The following DIABLO variants were observed in gnomAD, a reference collection of about 807,000 sequenced individuals.
DIABLO encodes diablo IAP-binding mitochondrial protein, also known as diablo homolog, mitochondrial.
Under a neutral mutation model 31.7 loss-of-function variants are expected in DIABLO, and 32 were observed. The ratio of observed to expected loss-of-function variants is 1.01; its 90% CI spans 0.76 to 1.35. DIABLO has a LOEUF of 1.35. Among genes scored for constraint, DIABLO ranks in the 40% most tolerant of loss-of-function variants. DIABLO has a pLI of 0.00. For synonymous variants in DIABLO, 132 were observed against 103.2 expected, an observed-to-expected ratio of 1.28 and a Z score of -1.69; for missense variants, 316 against 286.4, an observed-to-expected ratio of 1.10 and a Z score of -0.75.
intron 2 of DIABLO, among the ~76,000 whole-genome samples, chr12:122,223,925 TGAGTAGTTGCCACTAGAA>T (rs1235631445): frequency 6.6e-6 from 1 of 152,174 alleles, no homozygotes; most frequent in African/African-American, 2.4e-5. Flanking sequence ...CTCAGCCTCC[TGAGTAGTTGCCACTAGAA>T]GTGTGAGCCA....
At chr12:122,225,376 G>A (rs1328011064) in intron 1 of DIABLO, 1 of 989,504 alleles carries the variant, frequency 1.0e-6, no homozygotes, top group Non-Finnish European at 1.2e-6. Context: ...GACAGAGGCA[G>A]ATCTTGTCTC....
At chr12:122,224,256 C>CT (rs1566029176) in intron 2 of DIABLO, among the ~76,000 whole-genome samples, 1 of 152,168 alleles carries the variant, frequency 6.6e-6, no homozygotes, top group African/African-American at 2.4e-5. Flanking sequence ...TCAAAGACTA[C>CT]TTTGTTGATA....
intron 5 of DIABLO, among the ~76,000 whole-genome samples, chr12:122,215,874 T>C (rs1196922834): frequency 8.3e-6 from 1 of 120,254 alleles, no homozygotes; most frequent in Non-Finnish European, 1.7e-5. Context: ...CCATCTCTAT[T>C]TTATGAAGGA....
chr12:122,212,726 G>A (rs111886152), intron 5 of DIABLO, among the ~76,000 whole-genome samples: 5 of 151,476 alleles, frequency 3.3e-5, no homozygotes, highest in African/African-American at 9.7e-5. Context: ...CCAGGTTCAC[G>A]CCATTCTCCT....
intron 5 of DIABLO, chr12:122,209,880 T>C: frequency 2.9e-6 from 2 of 693,078 alleles, no homozygotes; most frequent in East Asian, 2.7e-5. Context: ...CACAATTAAG[T>C]AGGATTACTT....
intron 5 of DIABLO, chr12:122,208,798 G>A (rs1378524404): frequency 1.5e-6 from 1 of 654,208 alleles, no homozygotes; most frequent in Non-Finnish European, 2.8e-6. Context: ...TCAGCTGTCA[G>A]CGGCCAACAT....
rs967310190 is a variant in DIABLO, at chr12:122,209,060, A to G, written c.524-483T>C. Reference sequence around the variant, plus strand: ...ATTAAATATGTTTTATAATTTTTTCACTTAAACATGTTTTGAAGGCCGGGC... The same window carrying G: ...ATTAAATATGTTTTATAATTTTTTCGCTTAAACATGTTTTGAAGGCCGGGC... On this transcript the variant is annotated intron_variant, in intron 5 of 5. Transcript: ENST00000464942. The G allele has an allele frequency of 3.1e-5, 9 of 286,798 alleles. No individual in the cohort carries two copies. The Admixed American group carries it at 4.6e-4, about 15-fold the overall frequency. 17.8% of individuals were successfully genotyped at this position (286,798 alleles called of 1,614,324 possible).
upstream of DIABLO, chr12:122,226,423 G>A: frequency 1.4e-6 from 1 of 692,504 alleles, no homozygotes. Context: ...GCGCGGCGAC[G>A]GCGCTGTCAC....
chr12:122,224,902 A>T (rs1954417865), intron 1 of DIABLO: 6 of 1,308,014 alleles, frequency 4.6e-6, no homozygotes, highest in Non-Finnish European at 5.0e-6. Context: ...TGAGCCCAGG[A>T]GTTCACGACC....
At chr12:122,225,773 A>G in intron 1 of DIABLO, 192 bp downstream of exon 1, 1 of 1,442,966 alleles carries the variant, frequency 6.9e-7, no homozygotes, top group Non-Finnish European at 9.1e-7. Flanking sequence ...ACTGAAAAGG[A>G]AGCCGGGCTT....
Position 122,226,028 on chromosome 12 carries a change from G to C in DIABLO, c.-14C>G, listed in dbSNP as rs772013340. ...CAGAGCCGCCATTGTGCAGCGCGCG[G>C]ACGCCAGACGCACACGCCGGAAGTG... On this transcript the variant is annotated 5_prime_UTR_variant, in exon 1 of 6. Coordinates refer to ENST00000464942, the MANE Select transcript of DIABLO (RefSeq NM_001371333.1). The C allele has an allele frequency of 2.5e-6, 4 of 1,600,226 alleles. No homozygotes were observed. The highest frequency in any genetic ancestry group is 3.4e-6 in the Non-Finnish European group (4 of 1,174,954).
chr12:122,210,992 G>C (rs1324827504), intron 5 of DIABLO, among the ~76,000 whole-genome samples: 1 of 133,876 alleles, frequency 7.5e-6, no homozygotes, highest in South Asian at 2.4e-4. Flanking sequence ...AGCAAGCTAT[G>C]ATCTATGATC....
intron 5 of DIABLO, among the ~76,000 whole-genome samples, chr12:122,214,114 A>G (rs1462522103): frequency 6.6e-6 from 1 of 152,130 alleles, no homozygotes; most frequent in Non-Finnish European, 1.5e-5. Context: ...AACTAACAAC[A>G]ACAAAAAAAA....
At chr12:122,212,631 GT>G (rs11290492) in intron 5 of DIABLO, among the ~76,000 whole-genome samples, 22,969 of 144,842 alleles carry the variant, frequency 0.16, 5,352 homozygotes, top group African/African-American at 0.52. Flanking sequence ...ATTTATTTTT[GT>G]TTTTTTTTTT....
intron 2 of DIABLO, chr12:122,218,645 T>C (rs1156860304): frequency 8.2e-6 from 4 of 486,888 alleles, no homozygotes; most frequent in East Asian, 4.1e-5. Context: ...TTTCTTTACA[T>C]ATAAAATAAA....
At chr12:122,226,205 G>A (rs1954470185), upstream of DIABLO, 1 of 903,586 alleles carries the variant, frequency 1.1e-6, no homozygotes, top group Non-Finnish European at 1.7e-6. Flanking sequence ...GCCGCGCAAG[G>A]CAACCAACCG....
rs765556386 is a variant in DIABLO, at chr12:122,226,017, T to C, written c.-3A>G. ...AGCCAACTCTTCAGAGCCGCCATTG[T>C]GCAGCGCGCGGACGCCAGACGCACA... On this transcript the variant is annotated 5_prime_UTR_variant, in exon 1 of 6. Coordinates refer to ENST00000464942, the MANE Select transcript of DIABLO (RefSeq NM_001371333.1). 7 of 1,602,992 alleles carry C rather than the reference T, an allele frequency of 4.4e-6. No homozygotes were observed. The highest frequency in any genetic ancestry group is 1.3e-5 in the African/African-American group (1 of 74,718).
At chr12:122,214,346 C>G (rs76678202) in intron 5 of DIABLO, among the ~76,000 whole-genome samples, 14,898 of 152,102 alleles carry the variant, frequency 0.098, 2,088 homozygotes, top group African/African-American at 0.31. Context: ...ACACCCAGCC[C>G]TTTGTATCAT....
chr12:122,209,821 G>A, intron 5 of DIABLO: 2 of 703,316 alleles, frequency 2.8e-6, no homozygotes, highest in South Asian at 1.5e-5. Context: ...GTGGAGAATG[G>A]CAGGCATCCT....
Sources: allele counts gnomAD v4.1 joint callset (sites outside exome capture counted in the v4.1 genomes callset), GRCh38; gene constraint gnomAD v4.1.1; transcripts MANE v1.5; gene names NCBI Gene and HGNC (gene_info 2026-07-23, HGNC 2026-07-21).